Variants in RANBP17 observed in about 807,000 individuals in gnomAD.
RANBP17 encodes ran-binding protein 17.
A neutral mutation model predicts 141.2 loss-of-function variants in RANBP17; 158 were observed. The observed-to-expected ratio is 1.12, with a 90% CI of 0.98 to 1.28. RANBP17 has a LOEUF of 1.28. Ranked by LOEUF, RANBP17 falls within the 50% of genes most tolerant of loss-of-function variation. RANBP17 has a pLI of 0.00. For synonymous variants in RANBP17, 430 were observed against 450.0 expected (o/e 0.96, Z 0.56); for missense variants, 1,438 against 1,290.7 (o/e 1.11, Z -1.75).
At chr5:171,185,903 CTG>C (rs1248426300) in intron 18 of RANBP17, among the ~76,000 whole-genome samples, 1 of 152,252 alleles carries the variant, frequency 6.6e-6, no homozygotes. Flanking sequence ...GAATCACTAT[CTG>C]TGGCAGCCTA....
At chr5:171,149,351 A>G (rs1194877440) in intron 14 of RANBP17, among the ~76,000 whole-genome samples, 1 of 152,246 alleles carries the variant, frequency 6.6e-6, no homozygotes, top group Non-Finnish European at 1.5e-5. Context: ...AAATAAAAAT[A>G]TCTAAACAGG....
chr5:171,137,844 C>CT (rs1757419074), intron 14 of RANBP17, among the ~76,000 whole-genome samples: 1 of 151,526 alleles, frequency 6.6e-6, no homozygotes, highest in East Asian at 1.9e-4. Flanking sequence ...TTTATCTCTA[C>CT]TTTTTTAATG....
At chr5:171,165,922 C>T (rs1191569911) in intron 14 of RANBP17, among the ~76,000 whole-genome samples, 1 of 152,198 alleles carries the variant, frequency 6.6e-6, no homozygotes, top group Non-Finnish European at 1.5e-5. Flanking sequence ...GTGTTCATCC[C>T]AGATGGGTAG....
chr5:171,120,959 T>C (rs1338771779), intron 14 of RANBP17, among the ~76,000 whole-genome samples: 1 of 152,234 alleles, frequency 6.6e-6, no homozygotes, highest in Non-Finnish European at 1.5e-5. Context: ...TTTGGTTTTA[T>C]GTGGATGCAG....
intron 14 of RANBP17, among the ~76,000 whole-genome samples, chr5:171,023,313 AT>A (rs776071440): frequency 5.3e-5 from 8 of 152,176 alleles, no homozygotes; most frequent in Non-Finnish European, 1.2e-4. Context: ...TAACTTTTAT[AT>A]TTCTGTCCTT....
At chr5:170,976,614 A>G (rs545535416) in intron 14 of RANBP17, among the ~76,000 whole-genome samples, 115 of 152,290 alleles carry the variant, frequency 7.6e-4, no homozygotes, top group African/African-American at 1.2e-3. Flanking sequence ...TGTTACTTAC[A>G]ATAATATTAA....
chr5:171,115,211 G>A (rs377184648), intron 14 of RANBP17, among the ~76,000 whole-genome samples: 6 of 152,020 alleles, frequency 3.9e-5, no homozygotes, highest in African/African-American at 1.4e-4. Flanking sequence ...CATCTTTTTT[G>A]TTCTTGATGA....
chr5:171,212,671 A>G (rs1208895739), intron 20 of RANBP17, among the ~76,000 whole-genome samples: 2 of 152,238 alleles, frequency 1.3e-5, no homozygotes, highest in Non-Finnish European at 2.9e-5. Flanking sequence ...AAGAAACACC[A>G]TTAAGTGATT....
At chr5:171,259,454 A>G (rs997620719) in intron 24 of RANBP17, among the ~76,000 whole-genome samples, 5 of 152,258 alleles carry the variant, frequency 3.3e-5, no homozygotes, top group African/African-American at 1.2e-4. Flanking sequence ...TAGCAAAGAC[A>G]TAGAATCAAT....
intron 25 of RANBP17, among the ~76,000 whole-genome samples, chr5:171,267,937 T>C (rs188649832): frequency 7.9e-5 from 12 of 152,346 alleles, no homozygotes; most frequent in African/African-American, 2.9e-4. Flanking sequence ...GTAAACTTTA[T>C]TTGTGGTAAT....
intron 5 of RANBP17, among the ~76,000 whole-genome samples, chr5:170,902,377 A>C (rs1403952285): frequency 1.3e-5 from 2 of 152,132 alleles, no homozygotes; most frequent in Non-Finnish European, 2.9e-5. Context: ...CCATCAGGTC[A>C]TTTATGTTCT....
intron 27 of RANBP17, among the ~76,000 whole-genome samples, chr5:171,297,879 A>G (rs1270680857): frequency 8.7e-6 from 1 of 115,252 alleles, no homozygotes; most frequent in Non-Finnish European, 1.7e-5. Context: ...TTTTTGAGAC[A>G]GAGTCTCGCT....
chr5:171,125,904 C>T (rs1756424310), intron 14 of RANBP17, among the ~76,000 whole-genome samples: 1 of 151,948 alleles, frequency 6.6e-6, no homozygotes, highest in South Asian at 2.1e-4. Flanking sequence ...AATTCTGCCT[C>T]AGCCTCCAGA....
At chr5:170,898,635 G>A (rs1293989197) in intron 5 of RANBP17, among the ~76,000 whole-genome samples, 1 of 150,632 alleles carries the variant, frequency 6.6e-6, no homozygotes, top group Non-Finnish European at 1.5e-5. Context: ...GCCTAGGTTA[G>A]GGTTTTTATG....
chr5:171,213,771 TCTA>T (rs947265994), intron 21 of RANBP17, 33 bp downstream of exon 21: 1 of 1,451,916 alleles, frequency 6.9e-7, no homozygotes, highest in Non-Finnish European at 9.7e-7. Context: ...AGAAAAACAG[TCTA>T]CTATTAGCGG....
intron 14 of RANBP17, among the ~76,000 whole-genome samples, chr5:171,137,504 T>C (rs542523228): frequency 6.6e-6 from 1 of 152,058 alleles, no homozygotes; most frequent in East Asian, 1.9e-4. Flanking sequence ...TTCTTAGTGG[T>C]CCCTGTATGA....
At chr5:171,118,335 C>G (rs1198054392) in intron 14 of RANBP17, among the ~76,000 whole-genome samples, 1 of 152,098 alleles carries the variant, frequency 6.6e-6, no homozygotes, top group Non-Finnish European at 1.5e-5. Context: ...AGTCTAATGC[C>G]TGCAGCTTTA....
At chr5:171,066,046 G>A (rs1165615637) in intron 14 of RANBP17, among the ~76,000 whole-genome samples, 1 of 151,830 alleles carries the variant, frequency 6.6e-6, no homozygotes, top group Admixed American at 6.6e-5. Context: ...ATTTTTAGTA[G>A]AGACAGGATT....
chr5:171,030,647 A>G (rs1781498013), intron 14 of RANBP17, among the ~76,000 whole-genome samples: 1 of 152,024 alleles, frequency 6.6e-6, no homozygotes, highest in Non-Finnish European at 1.5e-5. Flanking sequence ...TAAATATATA[A>G]AGTAATTTAA....
Sources: allele counts gnomAD v4.1 joint callset (sites outside exome capture counted in the v4.1 genomes callset), GRCh38; gene constraint gnomAD v4.1.1; transcripts MANE v1.5; gene names NCBI Gene and HGNC (gene_info 2026-07-23, HGNC 2026-07-21).